Variants in CTNND2 observed in about 807,000 individuals in gnomAD.
The protein encoded by CTNND2 is catenin delta 2, also known as catenin delta-2.
A neutral mutation model predicts 144.4 loss-of-function variants in CTNND2; 22 were observed. That is an observed-to-expected ratio of 0.15 (90% CI 0.11 to 0.22). The LOEUF is 0.22. Ranked by LOEUF, CTNND2 falls within the 10% of genes least tolerant of loss-of-function variation. The probability of loss-of-function intolerance (pLI) is 1.00; values close to 1 mark genes in which losing one functional copy is unlikely to be tolerated. For synonymous variants in CTNND2, 751 were observed against 695.6 expected (o/e 1.08, Z -1.25); for missense variants, 1,353 against 1,618.8 (o/e 0.84, Z 2.82).
intron 1 of CTNND2, among the ~76,000 whole-genome samples, chr5:11,899,735 A>G (rs1321000850): frequency 6.6e-6 from 1 of 152,182 alleles, no homozygotes; most frequent in African/African-American, 2.4e-5. Flanking sequence ...CTTTATCCTC[A>G]AAGAAATCTT....
intron 1 of CTNND2, among the ~76,000 whole-genome samples, chr5:11,750,055 C>G (rs1473356593): frequency 6.6e-6 from 1 of 151,918 alleles, no homozygotes; most frequent in African/African-American, 2.4e-5. Context: ...TCTTCCTATT[C>G]TTCAACTAGT....
chr5:11,656,134 ACAGT>A (rs1197427948), intron 2 of CTNND2, among the ~76,000 whole-genome samples: 4 of 152,276 alleles, frequency 2.6e-5, no homozygotes, highest in Admixed American at 2.6e-4. Flanking sequence ...ACTATAAATT[ACAGT>A]CAAAGAAGAC....
chr5:11,139,547 G>C (rs1436106648), intron 12 of CTNND2, among the ~76,000 whole-genome samples: 1 of 152,178 alleles, frequency 6.6e-6, no homozygotes, highest in Non-Finnish European at 1.5e-5. Context: ...GGTTGAAAGG[G>C]AGAAAGAAAA....
intron 11 of CTNND2, among the ~76,000 whole-genome samples, chr5:11,178,964 G>T (rs1292916044): frequency 6.6e-6 from 1 of 152,156 alleles, no homozygotes; most frequent in Non-Finnish European, 1.5e-5. Context: ...CCACTGAGAT[G>T]ACAGTGCATA....
chr5:11,759,506 T>C (rs76692205), intron 1 of CTNND2, among the ~76,000 whole-genome samples: 11,599 of 152,074 alleles, frequency 0.076, 1,178 homozygotes, highest in African/African-American at 0.23. Context: ...AAAGCACAAA[T>C]ATTCAACTAC....
intron 5 of CTNND2, among the ~76,000 whole-genome samples, chr5:11,405,877 A>G (rs547182745): frequency 2.0e-5 from 3 of 152,258 alleles, no homozygotes; most frequent in African/African-American, 7.2e-5. Context: ...TCTTGTTTGT[A>G]TTTTAAAAAC....
chr5:11,482,194 T>G (rs1768341035), intron 3 of CTNND2, among the ~76,000 whole-genome samples: 1 of 152,160 alleles, frequency 6.6e-6, no homozygotes, highest in Non-Finnish European at 1.5e-5. Context: ...CCCAGGGTCC[T>G]TCCTAAGCAC....
intron 3 of CTNND2, among the ~76,000 whole-genome samples, chr5:11,488,477 T>C (rs1421632654): frequency 6.6e-6 from 1 of 152,200 alleles, no homozygotes; most frequent in Non-Finnish European, 1.5e-5. Flanking sequence ...ATATTTTACG[T>C]TTTTGAAATT....
chr5:11,656,657 C>A (rs1264086023), intron 2 of CTNND2, among the ~76,000 whole-genome samples: 2 of 152,118 alleles, frequency 1.3e-5, no homozygotes, highest in African/African-American at 4.8e-5. Flanking sequence ...AAAGTCTTCA[C>A]CCTCTCTCTT....
At chr5:11,053,905 C>T (rs1279312741) in intron 16 of CTNND2, among the ~76,000 whole-genome samples, 2 of 151,966 alleles carry the variant, frequency 1.3e-5, no homozygotes, top group East Asian at 3.9e-4. Flanking sequence ...GATGTGATGA[C>T]CAAATAGAAA....
chr5:11,375,804 C>T (rs1222885874), intron 7 of CTNND2, among the ~76,000 whole-genome samples: 4 of 152,106 alleles, frequency 2.6e-5, no homozygotes, highest in African/African-American at 9.7e-5. Flanking sequence ...TGACTACATA[C>T]AATAAATACT....
intron 11 of CTNND2, among the ~76,000 whole-genome samples, chr5:11,175,139 A>T (rs913199041): frequency 6.6e-6 from 1 of 152,028 alleles, no homozygotes; most frequent in African/African-American, 2.4e-5. Flanking sequence ...TTTTTTACAT[A>T]GTAATTTCTC....
chr5:11,717,655 C>T (rs1165937127), intron 2 of CTNND2, among the ~76,000 whole-genome samples: 1 of 151,660 alleles, frequency 6.6e-6, no homozygotes, highest in African/African-American at 2.4e-5. Flanking sequence ...TTCAGCATGG[C>T]TAAGGAGGCC....
chr5:11,361,495 GACC>G (rs1756449809), intron 8 of CTNND2, among the ~76,000 whole-genome samples: 2 of 152,176 alleles, frequency 1.3e-5, no homozygotes, highest in Admixed American at 1.3e-4. Context: ...CAACCCGTGT[GACC>G]TTCGCATATT....
At position 10,977,986 on chromosome 5, in the gene CTNND2, C is replaced by T. The variant is rs552101542; in HGVS notation, c.3417+3787G>A. ...TCTTTTGCCTTATCTTGGAGATCCA[C>T]TTGAAACTGATTTCCCTCCATGAAT... On this transcript the variant is annotated intron_variant, in intron 21 of 21. Coordinates refer to ENST00000304623, the MANE Select transcript of CTNND2 (RefSeq NM_001332.4). 4.6e-5 allele frequency among the ~76,000 whole-genome samples: 7 copies of T among 152,332 alleles called. No homozygotes were observed. In the South Asian group the frequency reaches 8.3e-4, roughly 18 times the overall value.
chr5:11,647,080 T>G (rs1005535018), intron 2 of CTNND2, among the ~76,000 whole-genome samples: 1 of 152,230 alleles, frequency 6.6e-6, no homozygotes, highest in Non-Finnish European at 1.5e-5. Context: ...TGCAGAGTAC[T>G]CGGTCACCAC....
intron 3 of CTNND2, among the ~76,000 whole-genome samples, chr5:11,551,848 A>G (rs889912920): frequency 5.3e-5 from 8 of 151,902 alleles, no homozygotes; most frequent in African/African-American, 1.7e-4. Flanking sequence ...TGATCTGCCC[A>G]CCTCAGCCTC....
At chr5:11,804,463 A>T (rs1791884213) in intron 1 of CTNND2, among the ~76,000 whole-genome samples, 1 of 152,234 alleles carries the variant, frequency 6.6e-6, no homozygotes, top group South Asian at 2.1e-4. Context: ...GATTGCCTTC[A>T]AAAGATGAAT....
At chr5:11,039,090 GC>G (rs1392825727) in intron 16 of CTNND2, among the ~76,000 whole-genome samples, 1 of 152,200 alleles carries the variant, frequency 6.6e-6, no homozygotes, top group East Asian at 1.9e-4. Flanking sequence ...AAGCAAGCAA[GC>G]AAGCAAACAA....
Sources: gnomAD v4.1 joint callset for allele counts (sites outside exome capture counted in the v4.1 genomes callset) on GRCh38, gnomAD v4.1.1 for gene constraint, MANE v1.5 for transcripts, NCBI Gene and HGNC (gene_info 2026-07-23, HGNC 2026-07-21) for gene names.